Variants in PHIP observed in about 807,000 individuals in gnomAD.
PHIP encodes the protein PHIP subunit of CUL4-Ring ligase complex, also known as PH-interacting protein.
Under a neutral mutation model 236.8 loss-of-function variants are expected in PHIP, and 54 were observed. The observed-to-expected ratio is 0.23, with a 90% CI of 0.18 to 0.29. PHIP has a LOEUF of 0.29. PHIP is among the 10% of genes least tolerant of loss of function. The probability of loss-of-function intolerance (pLI) is 1.00; values close to 1 mark genes in which losing one functional copy is unlikely to be tolerated. For synonymous variants in PHIP, 756 were observed against 718.9 expected (o/e 1.05, Z -0.83); for missense variants, 1,370 against 2,190.8 (o/e 0.63, Z 7.48).
intron 31 of PHIP, among the ~76,000 whole-genome samples, chr6:78,961,421 C>T (rs1766768835): frequency 6.6e-6 from 1 of 151,772 alleles, no homozygotes; most frequent in Non-Finnish European, 1.5e-5. Context: ...ATCATGTCAG[C>T]CTCTAGGAAA....
intron 7 of PHIP, among the ~76,000 whole-genome samples, chr6:79,038,787 C>A (rs1772069346): frequency 6.6e-6 from 1 of 152,168 alleles, no homozygotes. Context: ...GTTCCCACTG[C>A]CTACTGGGCA....
chr6:79,044,975 T>C lies in PHIP; in HGVS notation c.440-1972A>G, dbSNP rs74341874. 2.4e-4 allele frequency among the ~76,000 whole-genome samples: 36 copies of C among 152,298 alleles called. No homozygotes were observed. In the East Asian group the frequency reaches 5.8e-3, roughly 24 times the overall value. On this transcript the variant is annotated intron_variant, in intron 6 of 39. Coordinates refer to ENST00000275034, the MANE Select transcript of PHIP (RefSeq NM_017934.7). ...AGCCAATTGAAAAAAAAGAATAACC[T>C]TTTCAAAGTTACTTTACAGTCAAAT...
intron 7 of PHIP, among the ~76,000 whole-genome samples, chr6:79,034,964 T>C (rs182580301): frequency 1.3e-5 from 2 of 152,286 alleles, no homozygotes; most frequent in Admixed American, 6.5e-5. Context: ...CCTCTACTTA[T>C]GAGATAGAAC....
Position 78,978,635 on chromosome 6 carries a change from G to A in PHIP, c.2846C>T (p.Thr949Ile). 1.3e-6 allele frequency: 2 copies of A among 1,594,228 alleles called. No individual in the cohort carries two copies. The highest frequency in any genetic ancestry group is 1.1e-5 in the South Asian group (1 of 88,414). Residue 949 changes from threonine to isoleucine, a missense_variant, in exon 24 of 40, where the codon ACC (threonine) becomes ATC (isoleucine). Physicochemically the swap from Thr to Ile is moderately conservative, Grantham distance 89 (BLOSUM62 -1). Transcript: ENST00000275034. ...CACAAATGGACATCTTCGGGGAATG[G>A]TATCTGTAATCCATGTTGATGGCAA... ...EWLPSTWITD[T>I]IPRRCPFVPQ...
At chr6:78,943,519 T>C (rs1488577167) in intron 39 of PHIP, among the ~76,000 whole-genome samples, 1 of 152,222 alleles carries the variant, frequency 6.6e-6, no homozygotes, top group Non-Finnish European at 1.5e-5. Flanking sequence ...AACACTCATA[T>C]GCAAAGCATT....
chr6:78,991,866 A>T (rs553394373), intron 19 of PHIP, among the ~76,000 whole-genome samples: 20 of 151,768 alleles, frequency 1.3e-4, no homozygotes, highest in South Asian at 1.0e-3. Flanking sequence ...TTTTTTTTTT[A>T]AATTAAACTT....
At chr6:79,010,896 T>C (rs1770540397) in intron 15 of PHIP, among the ~76,000 whole-genome samples, 1 of 151,920 alleles carries the variant, frequency 6.6e-6, no homozygotes, top group Admixed American at 6.6e-5. Context: ...GCTAATTTAA[T>C]GGGGAATAAA....
At chr6:78,963,010 A>G in intron 30 of PHIP, 87 bp downstream of exon 30, 2 of 1,315,286 alleles carry the variant, frequency 1.5e-6, no homozygotes, top group Non-Finnish European at 2.1e-6. Flanking sequence ...ATATTGTGAA[A>G]AAAAATTTTT....
chr6:79,077,276 C>T (rs887675351), intron 4 of PHIP, among the ~76,000 whole-genome samples, 172 bp downstream of exon 4: 5 of 152,020 alleles, frequency 3.3e-5, no homozygotes, highest in Non-Finnish European at 5.9e-5. Flanking sequence ...AGTACGAGTA[C>T]CCCCGGCCAC....
intron 29 of PHIP, among the ~76,000 whole-genome samples, chr6:78,964,788 C>A (rs1409323488): frequency 6.6e-6 from 1 of 151,980 alleles, no homozygotes; most frequent in Non-Finnish European, 1.5e-5. Context: ...ACCACTCCTG[C>A]CCTGTAATAT....
intron 6 of PHIP, among the ~76,000 whole-genome samples, chr6:79,058,291 C>A (rs1403410999): frequency 6.6e-6 from 1 of 152,092 alleles, no homozygotes; most frequent in Non-Finnish European, 1.5e-5. Flanking sequence ...TCTGTACCAT[C>A]TGTTGTCTCC....
In PHIP at chr6:78,983,010, T is replaced by C. The variant is rs781738968; in HGVS notation, c.2645A>G (p.Asp882Gly). 1 of 1,611,192 alleles carries C rather than the reference T, an allele frequency of 6.2e-7. No individual in the cohort carries two copies. Among genetic ancestry groups the C allele is most frequent in the South Asian group, 1.1e-5 (1 of 90,640 alleles). The change falls in exon 23 of 40, where the codon GAT (aspartate) becomes GGT (glycine). Residue 882 changes from aspartate to glycine, a missense_variant. Asp to Gly is a moderately conservative substitution (Grantham distance 94). Coordinates refer to ENST00000275034, the MANE Select transcript of PHIP (RefSeq NM_017934.7). Reference protein sequence around the residue: ...NKTKKAESSSDEEEESEKQKQ... With the variant: ...NKTKKAESSSGEEEESEKQKQ... ...CTGTTTTTCAGATTCTTCTTCTTCA[T>C]CTGAACTGCTTTCTGCTTTCTTGGT... is the stretch of plus-strand genomic sequence containing the variant.
Position 78,940,510 on chromosome 6 carries a change from AT to A in PHIP, c.*182del, listed in dbSNP as rs1773433618. The stretch of plus-strand genomic sequence containing the variant: ...TATGTATATATTTATATATATATAT[AT>A]ATATTCATTTAAAGAAGTGAAGTGT... On this transcript the variant is annotated 3_prime_UTR_variant, in exon 40 of 40. Coordinates refer to ENST00000275034, the MANE Select transcript of PHIP (RefSeq NM_017934.7). 6.3e-6 allele frequency: 1 copy of A among 159,424 alleles called. No homozygotes were observed. Among genetic ancestry groups the A allele is most frequent in the African/African-American group, 2.7e-5 (1 of 37,584 alleles). The allele number at this position is 159,424 out of a possible 1,614,324, so 9.9% of individuals were successfully genotyped here.
chr6:78,965,694 C>A lies in PHIP; in HGVS notation c.3379+9G>T. ...TAATGGAGAAACAAAAAGCCTAACA[C>A]ACACTTACCATTATTAGGTATAAGC... On this transcript the variant is annotated intron_variant, in intron 29 of 39. Transcript: ENST00000275034. 1 of 1,476,788 alleles carries A rather than the reference C, an allele frequency of 6.8e-7. No homozygotes were observed. The highest frequency in any genetic ancestry group is 9.4e-7 in the Non-Finnish European group (1 of 1,063,898). 91.5% of individuals were successfully genotyped at this position (1,476,788 alleles called of 1,614,324 possible).
At chr6:79,033,537 C>A (rs967163009) in intron 7 of PHIP, among the ~76,000 whole-genome samples, 4 of 152,180 alleles carry the variant, frequency 2.6e-5, no homozygotes, top group African/African-American at 9.7e-5. Flanking sequence ...CGTAAGCCAA[C>A]CTCTGCTAGC....
intron 15 of PHIP, among the ~76,000 whole-genome samples, chr6:79,008,121 G>A (rs1770390530): frequency 6.6e-6 from 1 of 151,796 alleles, no homozygotes; most frequent in African/African-American, 2.4e-5. Context: ...GTGCCAGGAG[G>A]CGGAGGTTGC....
intron 24 of PHIP, among the ~76,000 whole-genome samples, chr6:78,971,554 T>A (rs1377027628): frequency 2.0e-5 from 3 of 152,162 alleles, no homozygotes; most frequent in Admixed American, 6.5e-5. Flanking sequence ...ACAGCTCCGG[T>A]CTACAGCTCC....
At position 79,028,467 on chromosome 6, in the gene PHIP, A is replaced by C. The variant is rs1344080724; in HGVS notation, c.601-2303T>G. 2.0e-5 allele frequency among the ~76,000 whole-genome samples: 3 copies of C among 152,196 alleles called. No homozygotes were observed. In the East Asian group the frequency reaches 5.8e-4, roughly 29 times the overall value. On this transcript the variant is annotated intron_variant, in intron 7 of 39. Transcript: ENST00000275034. Reference sequence around the variant, plus strand: ...AGCTGTTTGGGGAATAAAAGGGATAAGGAGCACATCACTGATTATCTGTTG... The same window carrying C: ...AGCTGTTTGGGGAATAAAAGGGATACGGAGCACATCACTGATTATCTGTTG...
intron 9 of PHIP, 115 bp downstream of exon 9, chr6:79,025,404 T>G (rs1771349540): frequency 6.5e-6 from 4 of 612,054 alleles, no homozygotes; most frequent in Non-Finnish European, 8.8e-6. Flanking sequence ...AGGATTTCTA[T>G]TATTTACTCA....
Sources: allele counts gnomAD v4.1 joint callset (sites outside exome capture counted in the v4.1 genomes callset), GRCh38; gene constraint gnomAD v4.1.1; transcripts MANE v1.5; gene names NCBI Gene and HGNC (gene_info 2026-07-23, HGNC 2026-07-21).